ZFHX3: variants seen among roughly 807,000 people sequenced by gnomAD.
ZFHX3 encodes the protein zinc finger homeobox protein 3.
Under a neutral mutation model 279.1 loss-of-function variants are expected in ZFHX3, and 42 were observed. That is an observed-to-expected ratio of 0.15 (90% CI 0.12 to 0.19). ZFHX3 has a LOEUF of 0.19. Ranked by LOEUF, ZFHX3 falls within the 10% of genes least tolerant of loss-of-function variation. ZFHX3 has a pLI of 1.00. For synonymous variants in ZFHX3, 2,293 were observed against 1,957.8 expected (o/e 1.17, Z -4.52); for missense variants, 4,981 against 4,754.0 (o/e 1.05, Z -1.40).
At chr16:73,028,059 C>T (rs574777170) in intron 1 of ZFHX3, among the ~76,000 whole-genome samples, 56 of 152,212 alleles carry the variant, frequency 3.7e-4, no homozygotes, top group Middle Eastern at 6.8e-3. Context: ...CCAGCTGCAC[C>T]GAGACAGTGG....
At chr16:73,314,319 A>G (rs915227664) in intron 4 of ZFHX3, among the ~76,000 whole-genome samples, 2 of 152,180 alleles carry the variant, frequency 1.3e-5, no homozygotes, top group African/African-American at 4.8e-5. Context: ...CCCAGCCTCT[A>G]TACTCACTCC....
chr16:72,913,515 A>G (rs1028648572), intron 3 of ZFHX3, among the ~76,000 whole-genome samples: 3 of 152,156 alleles, frequency 2.0e-5, no homozygotes, highest in Non-Finnish European at 4.4e-5. Context: ...CATCCACCGT[A>G]TCACATCAGG....
At chr16:73,784,781 C>CAAAAAA (rs1359742885) in intron 1 of ZFHX3, among the ~76,000 whole-genome samples, 12 of 90,446 alleles carry the variant, frequency 1.3e-4, no homozygotes, top group African/African-American at 9.0e-4. Context: ...CTATTTTTAA[C>CAAAAAA]AAAATAAAAA....
intron 2 of ZFHX3, chr16:73,543,832 G>C (rs2020058711): frequency 6.6e-6 from 1 of 151,836 alleles, no homozygotes. Context: ...TTCTGCTGGA[G>C]AAGGGGGTGG....
At chr16:73,545,589 C>A (rs2020094737) in intron 2 of ZFHX3, among the ~76,000 whole-genome samples, 1 of 152,064 alleles carries the variant, frequency 6.6e-6, no homozygotes, top group South Asian at 2.1e-4. Flanking sequence ...AAATCGGAGC[C>A]CAGTTTCCCC....
At chr16:73,501,811 C>A (rs986043261) in intron 2 of ZFHX3, among the ~76,000 whole-genome samples, 1 of 152,160 alleles carries the variant, frequency 6.6e-6, no homozygotes, top group Admixed American at 6.5e-5. Context: ...GCAGCTGGTT[C>A]TCCACCTTTG....
chr16:73,227,125 A>G (rs1233850519), intron 5 of ZFHX3, among the ~76,000 whole-genome samples: 2 of 152,232 alleles, frequency 1.3e-5, no homozygotes, highest in Non-Finnish European at 2.9e-5. Context: ...AGATATTAAC[A>G]ATGAATTTCC....
intron 1 of ZFHX3, among the ~76,000 whole-genome samples, chr16:73,056,853 ACTAG>A (rs1965566964): frequency 6.6e-6 from 1 of 152,232 alleles, no homozygotes; most frequent in Non-Finnish European, 1.5e-5. Context: ...TTGGTCTGCA[ACTAG>A]CTATTCTCCC....
intron 4 of ZFHX3, among the ~76,000 whole-genome samples, chr16:72,875,323 C>G (rs1052048278): frequency 6.6e-6 from 1 of 152,218 alleles, no homozygotes; most frequent in African/African-American, 2.4e-5. Context: ...CCTTTCCCAG[C>G]GGGGAGACCT....
chr16:73,416,808 A>G lies in ZFHX3; in HGVS notation c.-1291+39195T>C, dbSNP rs555279809. Reference sequence around the variant, plus strand: ...AGAATGGCGTGAACTCGGGAGGCGGAGCCTGCAGTGAGCCGAGATCGCGCC... The same window carrying G: ...AGAATGGCGTGAACTCGGGAGGCGGGGCCTGCAGTGAGCCGAGATCGCGCC... On this transcript the variant is annotated intron_variant, in intron 3 of 17. Coordinates refer to the ZFHX3 transcript ENST00000641206. Among the ~76,000 whole-genome samples, 550 of 147,802 alleles carry G rather than the reference A, an allele frequency of 3.7e-3. 25 individuals are homozygous for G. The highest frequency in any genetic ancestry group is 0.021 in the Middle Eastern group (6 of 290).
intron 6 of ZFHX3, among the ~76,000 whole-genome samples, chr16:73,132,480 C>T (rs951383429): frequency 5.3e-5 from 8 of 152,104 alleles, no homozygotes; most frequent in African/African-American, 1.7e-4. Context: ...AGGAACACGC[C>T]GTAATCAGCT....
At chr16:73,706,118 AACATAGTAAG>A (rs1175790210) in intron 1 of ZFHX3, among the ~76,000 whole-genome samples, 1 of 152,160 alleles carries the variant, frequency 6.6e-6, no homozygotes, top group Non-Finnish European at 1.5e-5. Flanking sequence ...CAGCCTGGAC[AACATAGTAAG>A]ACCTCATCTC....
chr16:73,687,199 G>T (rs986091364), intron 1 of ZFHX3, among the ~76,000 whole-genome samples: 1 of 149,512 alleles, frequency 6.7e-6, no homozygotes, highest in Non-Finnish European at 1.5e-5. Flanking sequence ...GACCAGCCTG[G>T]GCAACATGGT....
At chr16:73,614,344 C>G (rs1000970726) in intron 2 of ZFHX3, among the ~76,000 whole-genome samples, 1 of 152,204 alleles carries the variant, frequency 6.6e-6, no homozygotes, top group Admixed American at 6.5e-5. Context: ...ATGCAGTTTT[C>G]CCAGGAGTGG....
At chr16:72,943,963 A>G (rs1960540960) in intron 3 of ZFHX3, among the ~76,000 whole-genome samples, 1 of 152,234 alleles carries the variant, frequency 6.6e-6, no homozygotes, top group South Asian at 2.1e-4. Context: ...CATAAAAAGT[A>G]TCTATATGTA....
At chr16:73,378,437 C>G (rs1471347743) in intron 3 of ZFHX3, among the ~76,000 whole-genome samples, 4 of 152,128 alleles carry the variant, frequency 2.6e-5, no homozygotes, top group African/African-American at 9.7e-5. Context: ...TCACACCACT[C>G]CAATCCACCA....
chr16:72,934,292 G>A (rs1959994074), intron 3 of ZFHX3, among the ~76,000 whole-genome samples: 1 of 152,126 alleles, frequency 6.6e-6, no homozygotes, highest in Non-Finnish European at 1.5e-5. Context: ...GCCGGGCCTG[G>A]TGGCGGGCGC....
At chr16:73,016,134 A>G (rs1278083427) in intron 1 of ZFHX3, 2 of 152,228 alleles carry the variant, frequency 1.3e-5, no homozygotes, top group Non-Finnish European at 2.9e-5. Context: ...TTCTCTTTCA[A>G]TCACAAGCCA....
intron 2 of ZFHX3, among the ~76,000 whole-genome samples, chr16:73,660,879 T>C (rs74358355): frequency 0.01 from 1,528 of 152,348 alleles, 28 homozygotes; most frequent in African/African-American, 0.033. Context: ...CCCACTTGCA[T>C]AGAACTTGCT....
Sources: allele counts gnomAD v4.1 joint callset (sites outside exome capture counted in the v4.1 genomes callset), GRCh38; gene constraint gnomAD v4.1.1; transcripts MANE v1.5; gene names NCBI Gene and HGNC (gene_info 2026-07-23, HGNC 2026-07-21).